The following PAQR5 variants were observed in gnomAD, a reference collection of about 807,000 sequenced individuals.
PAQR5 encodes the protein progestin and adipoQ receptor family member 5, also known as membrane progestin receptor gamma.
PAQR5 carries 20 observed loss-of-function variants against 34.5 expected under a neutral mutation model. The ratio of observed to expected loss-of-function variants is 0.58; its 90% CI spans 0.41 to 0.84. The LOEUF (loss-of-function observed/expected upper bound fraction) is 0.84, where lower values mean the gene tolerates loss of function less well. Ranked by LOEUF, PAQR5 falls within the 40% of genes least tolerant of loss-of-function variation. The probability of loss-of-function intolerance (pLI) is 0.00; values close to 1 mark genes in which losing one functional copy is unlikely to be tolerated. For missense variants in PAQR5, 378 were observed against 412.7 expected (o/e 0.92, Z 0.73); for synonymous variants, 131 against 155.6 (o/e 0.84, Z 1.18).
chr15:69,322,772 GGGAGAAGAAGAAGACGAGGAAGAAGAA>G lies in PAQR5; in HGVS notation c.-276-14567_-276-14541del, dbSNP rs2054147628. ...AAGAAGAAGAAGAAGAAGAAGAAGA[GGGAGAAGAAGAAGACGAGGAAGAAGAA>G]GAAGAGGAAGAGGAAGAAGAAGAAG... On this transcript the variant is annotated intron_variant, in intron 1 of 8. Transcript: ENST00000395407. Among the ~76,000 whole-genome samples, 7 of 12,946 alleles carry G rather than the reference GGGAGAAGAAGAAGACGAGGAAGAAGAA, an allele frequency of 5.4e-4. 3 individuals carry two copies. The highest frequency in any genetic ancestry group is 8.1e-4 in the Non-Finnish European group (4 of 4,932). The allele number at this position is 12,946 out of a possible 152,430, so 8.5% of individuals were successfully genotyped here. A position where few individuals can be genotyped will look rare whatever the true frequency, so the allele number is the denominator to read the frequency against.
chr15:69,309,459 G>A (rs1460498042), intron 1 of PAQR5, among the ~76,000 whole-genome samples: 1 of 152,184 alleles, frequency 6.6e-6, no homozygotes, highest in Admixed American at 6.5e-5. Flanking sequence ...TGGGAAGAGA[G>A]GCAGCTGGCA....
At chr15:69,366,284 G>T (rs2055400922) in intron 3 of PAQR5, among the ~76,000 whole-genome samples, 1 of 152,178 alleles carries the variant, frequency 6.6e-6, no homozygotes. Context: ...GCATCTATCA[G>T]TACTTTGTTT....
chr15:69,380,139 C>G (rs762739853), intron 4 of PAQR5, 129 bp downstream of exon 4: 1 of 993,166 alleles, frequency 1.0e-6, no homozygotes, highest in Non-Finnish European at 1.5e-6. Flanking sequence ...CGTGGGTACA[C>G]GCGGGTGAAG....
rs771858302 is a variant in PAQR5, at chr15:69,379,992, C to T, written c.161C>T (p.Thr54Ile). ...QMTNETLNIWTHLLPFWFFAW... is the reference protein window; with the variant it reads ...QMTNETLNIWIHLLPFWFFAW... ...ACCAATGAGACTCTCAACATTTGGA[C>T]TCACTTGCTGCCCTTCTGGTACCTT... The change falls in exon 4 of 9, where the codon ACT (threonine) becomes ATT (isoleucine). Residue 54 changes from threonine (T) to isoleucine (I), a missense_variant. Thr to Ile is a moderately conservative substitution (Grantham distance 89, BLOSUM62 -1). Coordinates refer to ENST00000395407, the MANE Select transcript of PAQR5 (RefSeq NM_017705.4). The T allele has an allele frequency of 1.2e-6, 2 of 1,614,224 alleles. No individual in the cohort carries two copies. The highest frequency in any genetic ancestry group is 8.5e-7 in the Non-Finnish European group (1 of 1,180,024).
chr15:69,353,256 C>A (rs2054973081), intron 2 of PAQR5, among the ~76,000 whole-genome samples: 1 of 152,186 alleles, frequency 6.6e-6, no homozygotes, highest in Non-Finnish European at 1.5e-5. Flanking sequence ...TACACTGGAC[C>A]CCTTCCATCA....
intron 2 of PAQR5, among the ~76,000 whole-genome samples, chr15:69,356,464 G>A (rs796344911): frequency 3.3e-5 from 5 of 152,206 alleles, no homozygotes; most frequent in African/African-American, 1.2e-4. Flanking sequence ...GAAATTGTAT[G>A]CCACTATTTT....
intron 5 of PAQR5, among the ~76,000 whole-genome samples, chr15:69,388,648 G>C (rs12438002): frequency 6.6e-6 from 1 of 152,228 alleles, no homozygotes; most frequent in Non-Finnish European, 1.5e-5. Flanking sequence ...CTGAAATCTC[G>C]CGGGCTGCCT....
At chr15:69,335,542 GTTTT>G (rs56712868) in intron 1 of PAQR5, among the ~76,000 whole-genome samples, 2 of 61,092 alleles carry the variant, frequency 3.3e-5, no homozygotes, top group Admixed American at 2.6e-4. Context: ...ACCGCATCCA[GTTTT>G]TTTTTTTTTT....
At chr15:69,394,918 G>A (rs1325081045) in intron 6 of PAQR5, among the ~76,000 whole-genome samples, 8 of 152,184 alleles carry the variant, frequency 5.3e-5, no homozygotes, top group Non-Finnish European at 1.2e-4. Flanking sequence ...TTTCCCTCTA[G>A]ACCCGGCTTT....
intron 8 of PAQR5, 25 bp from the exon 9 acceptor site, chr15:69,403,556 T>G (rs951246977): frequency 1.2e-6 from 2 of 1,612,096 alleles, no homozygotes; most frequent in Non-Finnish European, 1.7e-6. Context: ...TTGCTGATCT[T>G]GACGGCCTTT....
intron 3 of PAQR5, among the ~76,000 whole-genome samples, chr15:69,376,442 G>T (rs1316257035): frequency 6.6e-6 from 1 of 152,174 alleles, no homozygotes; most frequent in Non-Finnish European, 1.5e-5. Flanking sequence ...CTTCTTTCCT[G>T]TGCTCACAGG....
intron 1 of PAQR5, among the ~76,000 whole-genome samples, chr15:69,321,760 T>C (rs542361358): frequency 1.9e-4 from 29 of 152,296 alleles, no homozygotes; most frequent in Admixed American, 9.8e-4. Flanking sequence ...CCTCTAGGGC[T>C]CAGAGTGCAG....
chr15:69,333,274 G>A (rs1412082614), intron 1 of PAQR5, among the ~76,000 whole-genome samples: 8 of 152,086 alleles, frequency 5.3e-5, no homozygotes, highest in Admixed American at 5.2e-4. Flanking sequence ...TGAAACCCCA[G>A]GAATTAAAAG....
chr15:69,356,980 CTTGGT>C (rs200261568), intron 2 of PAQR5, among the ~76,000 whole-genome samples: 3,143 of 152,182 alleles, frequency 0.021, 112 homozygotes, highest in African/African-American at 0.072. Context: ...TCCCTCGTGG[CTTGGT>C]GCTGTCTTCG....
At chr15:69,315,404 A>G (rs1284937402) in intron 1 of PAQR5, among the ~76,000 whole-genome samples, 1 of 152,064 alleles carries the variant, frequency 6.6e-6, no homozygotes, top group African/African-American at 2.4e-5. Context: ...CCTCTCCCCA[A>G]AGCATCAGCA....
intron 5 of PAQR5, among the ~76,000 whole-genome samples, chr15:69,388,652 G>A (rs1197403542): frequency 1.3e-5 from 2 of 152,220 alleles, no homozygotes; most frequent in Admixed American, 1.3e-4. Context: ...AATCTCGCGG[G>A]CTGCCTGCTG....
Position 69,300,805 on chromosome 15 carries a change from T to TC in PAQR5, c.-277+1750dup. Among the ~76,000 whole-genome samples the TC allele has an allele frequency of 5.7e-5, 2 of 34,820 alleles. 1 individual carries two copies. Among genetic ancestry groups the TC allele is most frequent in the Non-Finnish European group, 1.6e-4 (2 of 12,888 alleles). 22.8% of individuals were successfully genotyped at this position (34,820 alleles called of 152,430 possible). ...CTCTCTCTTTCTTTCTTTCTTTCCT[T>TC]CTTTCCTTCCTTCCTTCCTTCCTTC... On this transcript the variant is annotated intron_variant, in intron 1 of 8. Coordinates refer to ENST00000395407, the MANE Select transcript of PAQR5 (RefSeq NM_017705.4).
At chr15:69,309,443 A>T (rs2053783575) in intron 1 of PAQR5, among the ~76,000 whole-genome samples, 1 of 152,238 alleles carries the variant, frequency 6.6e-6, no homozygotes, top group Non-Finnish European at 1.5e-5. Flanking sequence ...AGGAATGGGC[A>T]GCAGGTGGGA....
rs190050805 is a variant in PAQR5, at chr15:69,317,744, G to T, written c.-277+18688G>T. On this transcript the variant is annotated intron_variant, in intron 1 of 8. Transcript: ENST00000395407. Reference sequence around the variant, plus strand: ...GGCCTGGCATTGAAATGCACCCGGGGTGCTATGTCTTGGCTTTCTCCACGT... The same window carrying T: ...GGCCTGGCATTGAAATGCACCCGGGTTGCTATGTCTTGGCTTTCTCCACGT... 3.3e-5 allele frequency among the ~76,000 whole-genome samples: 5 copies of T among 152,224 alleles called. No individual in the cohort carries two copies. The East Asian group carries it at 9.7e-4, about 29-fold the overall frequency.
Sources: gnomAD v4.1 joint callset for allele counts (sites outside exome capture counted in the v4.1 genomes callset) on GRCh38, gnomAD v4.1.1 for gene constraint, MANE v1.5 for transcripts, NCBI Gene and HGNC (gene_info 2026-07-23, HGNC 2026-07-21) for gene names.